The following TAFA1 variants were observed in gnomAD, a reference collection of about 807,000 sequenced individuals.
TAFA1 encodes TAFA chemokine like family member 1.
A neutral mutation model predicts 18.5 loss-of-function variants in TAFA1; 4 were observed. That is an observed-to-expected ratio of 0.22 (90% CI 0.11 to 0.49). The LOEUF (loss-of-function observed/expected upper bound fraction) is 0.49. Ranked by LOEUF, TAFA1 falls within the 20% of genes least tolerant of loss-of-function variation. TAFA1 has a pLI of 0.98. For missense variants in TAFA1, 147 were observed against 169.0 expected (o/e 0.87, Z 0.72); for synonymous variants, 56 against 55.2 (o/e 1.01, Z -0.06).
intron 2 of TAFA1, among the ~76,000 whole-genome samples, chr3:68,258,704 A>G (rs1349148458): frequency 1.3e-5 from 2 of 152,196 alleles, no homozygotes; most frequent in Non-Finnish European, 2.9e-5. Flanking sequence ...TATGCCTAAT[A>G]TTGGAAATCT....
intron 2 of TAFA1, among the ~76,000 whole-genome samples, chr3:68,332,057 G>A (rs559754563): frequency 6.6e-6 from 1 of 151,638 alleles, no homozygotes; most frequent in Admixed American, 6.6e-5. Context: ...TAGAGATGGG[G>A]TTTCACCGTG....
At chr3:68,178,981 C>T (rs1167631962) in intron 2 of TAFA1, among the ~76,000 whole-genome samples, 1 of 152,138 alleles carries the variant, frequency 6.6e-6, no homozygotes, top group Admixed American at 6.5e-5. Flanking sequence ...CCAGTGAATT[C>T]TGTGATAAAC....
At chr3:68,135,965 A>G (rs2065602211) in intron 2 of TAFA1, among the ~76,000 whole-genome samples, 1 of 152,198 alleles carries the variant, frequency 6.6e-6, no homozygotes, top group Non-Finnish European at 1.5e-5. Context: ...ATTTACTTAC[A>G]TATGCTTAAG....
chr3:68,178,073 G>T (rs558434797), intron 2 of TAFA1, among the ~76,000 whole-genome samples: 1 of 152,190 alleles, frequency 6.6e-6, no homozygotes, highest in South Asian at 2.1e-4. Flanking sequence ...GAACCTGGGA[G>T]GCGGAGCTTG....
chr3:68,260,045 G>T (rs1575720171), intron 2 of TAFA1, among the ~76,000 whole-genome samples: 1 of 152,110 alleles, frequency 6.6e-6, no homozygotes, highest in African/African-American at 2.4e-5. Flanking sequence ...TCCAGTTTTT[G>T]CCCATTCAAT....
chr3:68,501,801 G>C (rs2072663515), intron 3 of TAFA1, among the ~76,000 whole-genome samples: 1 of 152,186 alleles, frequency 6.6e-6, no homozygotes, highest in Non-Finnish European at 1.5e-5. Context: ...GTATCCAGGA[G>C]AAAGTGATAT....
intron 2 of TAFA1, among the ~76,000 whole-genome samples, chr3:68,395,060 GC>G (rs1199827650): frequency 7.5e-4 from 114 of 152,032 alleles, no homozygotes; most frequent in Non-Finnish European, 1.3e-3. Context: ...CTGACAAAGG[GC>G]TAATATCCAG....
chr3:68,052,845 T>C (rs1053693082), intron 2 of TAFA1, among the ~76,000 whole-genome samples: 1 of 152,198 alleles, frequency 6.6e-6, no homozygotes, highest in Non-Finnish European at 1.5e-5. Context: ...AAGATTTATG[T>C]GACTTACTAA....
At chr3:68,514,681 G>C (rs2072895962) in intron 3 of TAFA1, among the ~76,000 whole-genome samples, 1 of 150,006 alleles carries the variant, frequency 6.7e-6, no homozygotes, top group South Asian at 2.1e-4. Flanking sequence ...CTACCAACAG[G>C]CCTAGTTTTA....
At chr3:68,341,954 G>C (rs955677468) in intron 2 of TAFA1, among the ~76,000 whole-genome samples, 2 of 152,200 alleles carry the variant, frequency 1.3e-5, no homozygotes, top group Admixed American at 6.5e-5. Flanking sequence ...TTTGGAACTA[G>C]TGGCATTTTG....
chr3:68,463,317 A>G (rs1424784223), intron 3 of TAFA1, among the ~76,000 whole-genome samples: 1 of 152,146 alleles, frequency 6.6e-6, no homozygotes, highest in Non-Finnish European at 1.5e-5. Context: ...TTTAGCGAGC[A>G]TCTATTTCCT....
chr3:68,501,645 T>C (rs1458514220), intron 3 of TAFA1, among the ~76,000 whole-genome samples: 2 of 152,160 alleles, frequency 1.3e-5, no homozygotes, highest in African/African-American at 2.4e-5. Context: ...ACAGGTAAGT[T>C]GCAGAGAGTT....
intron 2 of TAFA1, among the ~76,000 whole-genome samples, chr3:68,106,056 C>T (rs547571725): frequency 6.6e-6 from 1 of 151,656 alleles, no homozygotes; most frequent in African/African-American, 2.4e-5. Context: ...TTTAAAATGC[C>T]AAAAGAAAGC....
chr3:68,503,189 A>G (rs1203837910), intron 3 of TAFA1, among the ~76,000 whole-genome samples: 5 of 152,282 alleles, frequency 3.3e-5, no homozygotes, highest in East Asian at 1.9e-4. Flanking sequence ...AGTGTCCCCA[A>G]GGGAAAAATA....
chr3:68,262,489 T>A (rs1049300044), intron 2 of TAFA1, among the ~76,000 whole-genome samples: 2 of 151,670 alleles, frequency 1.3e-5, no homozygotes, highest in African/African-American at 4.8e-5. Flanking sequence ...TATATCCATG[T>A]ATGCTCAATG....
intron 2 of TAFA1, among the ~76,000 whole-genome samples, chr3:68,179,845 A>T (rs1052648163): frequency 6.6e-6 from 1 of 152,024 alleles, no homozygotes; most frequent in Non-Finnish European, 1.5e-5. Flanking sequence ...ATTTGGGAGG[A>T]CAGTCTTCCC....
intron 2 of TAFA1, among the ~76,000 whole-genome samples, chr3:68,169,135 A>G (rs1222274852): frequency 2.6e-5 from 4 of 152,014 alleles, no homozygotes; most frequent in African/African-American, 9.7e-5. Flanking sequence ...CACCGAATCC[A>G]GGCTGGTCTT....
At chr3:68,397,898 T>A (rs1411607236) in intron 2 of TAFA1, among the ~76,000 whole-genome samples, 1 of 152,178 alleles carries the variant, frequency 6.6e-6, no homozygotes, top group Non-Finnish European at 1.5e-5. Flanking sequence ...GTCAATTTTG[T>A]CTTTTGTTAC....
At chr3:68,104,458 AT>A (rs2065182877) in intron 2 of TAFA1, among the ~76,000 whole-genome samples, 1 of 152,062 alleles carries the variant, frequency 6.6e-6, no homozygotes, top group Non-Finnish European at 1.5e-5. Context: ...GTGGTTAAAA[AT>A]ATCACATTCC....
Sources: allele counts gnomAD v4.1 joint callset (sites outside exome capture counted in the v4.1 genomes callset), GRCh38; gene constraint gnomAD v4.1.1; transcripts MANE v1.5; gene names NCBI Gene and HGNC (gene_info 2026-07-23, HGNC 2026-07-21).